Variants in PALD1 observed in about 807,000 individuals in gnomAD.
PALD1 encodes paladin.
PALD1 carries 57 observed loss-of-function variants against 96.0 expected under a neutral mutation model. The observed-to-expected ratio is 0.59, with a 90% CI of 0.48 to 0.74. PALD1 has a LOEUF of 0.74. Ranked by LOEUF, PALD1 falls within the 30% of genes least tolerant of loss-of-function variation. The probability of loss-of-function intolerance (pLI) is 0.00; values close to 1 mark genes in which losing one functional copy is unlikely to be tolerated. For missense variants in PALD1, 1,063 were observed against 1,143.7 expected (o/e 0.93, Z 1.02); for synonymous variants, 464 against 473.6 (o/e 0.98, Z 0.26).
chr10:70,461,446 T>A, the PALD1 span, among the ~76,000 whole-genome samples: 1 of 152,234 alleles, frequency 6.6e-6, no homozygotes, highest in African/African-American at 2.4e-5. Flanking sequence ...TGGTTTACTG[T>A]CTGTGTTGCT....
At chr10:70,478,022 C>A (rs1449245944), upstream of PALD1, among the ~76,000 whole-genome samples, 1 of 148,046 alleles carries the variant, frequency 6.8e-6, no homozygotes, top group African/African-American at 2.5e-5. Context: ...AGTGCTAGTC[C>A]GCGCGTGTGG....
chr10:70,539,324 TCA>T lies in PALD1; in HGVS notation c.1725+81_1725+82del. 1 of 1,403,020 alleles carries T rather than the reference TCA, an allele frequency of 7.1e-7. No homozygotes were observed. The highest frequency in any genetic ancestry group is 9.6e-7 in the Non-Finnish European group (1 of 1,037,688). The allele number at this position is 1,403,020 out of a possible 1,614,324, so 86.9% of individuals were successfully genotyped here. On this transcript the variant is annotated intron_variant, in intron 14 of 19. Transcript: ENST00000263563. The surrounding 1 kb of genome is among the most constrained non-coding windows in gnomAD (Gnocchi z 4.5). ...GGCCTGGGAGGGTCTTCAGAAGGCC[TCA>T]CACTCCCGCAGACAGATGGAGAATC... is the stretch of plus-strand genomic sequence containing the variant.
rs138254920 is a variant in PALD1, at chr10:70,549,069, G to T, written c.2262+1623G>T. ...ACCAAAAAAAAAAAAAAAAAAAAAA[G>T]GTCTGTTAAATGTGGGGAGGGGAAG... On this transcript the variant is annotated intron_variant, in intron 18 of 19. Coordinates refer to ENST00000263563, the MANE Select transcript of PALD1 (RefSeq NM_014431.3). Among the ~76,000 whole-genome samples, 1,188 of 125,594 alleles carry T rather than the reference G, an allele frequency of 9.5e-3. 23 individuals carry two copies. Among genetic ancestry groups the T allele is most frequent in the African/African-American group, 0.031 (1,139 of 36,236 alleles). 82.4% of individuals were successfully genotyped at this position (125,594 alleles called of 152,430 possible).
chr10:70,552,018 C>T (rs1052816796), intron 18 of PALD1, among the ~76,000 whole-genome samples: 10 of 152,346 alleles, frequency 6.6e-5, no homozygotes, highest in Non-Finnish European at 1.0e-4. Flanking sequence ...GGCAGGCCCA[C>T]GGGACGTCTC....
intron 1 of PALD1, among the ~76,000 whole-genome samples, chr10:70,493,755 T>C (rs1050930455): frequency 6.6e-6 from 1 of 152,208 alleles, no homozygotes; most frequent in Non-Finnish European, 1.5e-5. Flanking sequence ...ACCTTCAGCA[T>C]GGATGCACGG....
At chr10:70,538,855 G>C (rs927870813) in intron 12 of PALD1, 37 bp from the exon 13 acceptor site, 1 of 1,562,286 alleles carries the variant, frequency 6.4e-7, no homozygotes, top group Non-Finnish European at 8.8e-7. Context: ...GCTACAGTCG[G>C]CTGCTGTGGG....
At chr10:70,532,569 G>A in intron 5 of PALD1, 52 bp from the exon 6 acceptor site, 1 of 1,581,438 alleles carries the variant, frequency 6.3e-7, no homozygotes, top group Non-Finnish European at 8.6e-7. Context: ...GACACTCAGG[G>A]AGGGTCTTGA....
intron 10 of PALD1, among the ~76,000 whole-genome samples, chr10:70,537,091 T>G (rs905155129): frequency 6.6e-6 from 1 of 152,088 alleles, no homozygotes; most frequent in Non-Finnish European, 1.5e-5. Context: ...ATTTGTATTT[T>G]CTTGTGGAGA....
Position 70,540,067 on chromosome 10 carries a change from GTTTA to G in PALD1, c.1908+308_1908+311del, listed in dbSNP as rs1847210727. On this transcript the variant is annotated intron_variant, in intron 15 of 19. Coordinates refer to ENST00000263563, the MANE Select transcript of PALD1 (RefSeq NM_014431.3). This position sits in a 1 kb window ranked among gnomAD's most constrained non-coding sequence, Gnocchi z 4.2. ...TGTGTTATAAGATGTGTGTACATGT[GTTTA>G]TTATGTTGTAGGGTGTATGTGTGTG... Among the ~76,000 whole-genome samples, 11 of 152,016 alleles carry G rather than the reference GTTTA, an allele frequency of 7.2e-5. No individual in the cohort carries two copies. Among genetic ancestry groups the G allele is most frequent in the Admixed American group, 4.6e-4 (7 of 15,258 alleles).
At chr10:70,495,231 T>C (rs912125654) in intron 1 of PALD1, among the ~76,000 whole-genome samples, 1 of 152,244 alleles carries the variant, frequency 6.6e-6, no homozygotes, top group Non-Finnish European at 1.5e-5. Flanking sequence ...ATCTAAAATA[T>C]GTTCCTTCCC....
Position 70,478,799 on chromosome 10 carries a change from C to T in PALD1, c.-290C>T, listed in dbSNP as rs886821156. 3 of 151,450 alleles carry T rather than the reference C, an allele frequency of 2.0e-5. No individual in the cohort carries two copies. Among genetic ancestry groups the T allele is most frequent in the Admixed American group, 1.3e-4 (2 of 15,200 alleles). The allele number at this position is 151,450 out of a possible 1,614,324, so 9.4% of individuals were successfully genotyped here. A position where few individuals can be genotyped will look rare whatever the true frequency, so the allele number is the denominator to read the frequency against. On this transcript the variant is annotated 5_prime_UTR_variant, in exon 1 of 20. Transcript: ENST00000263563. ...GGTAGCGGGGCGCTGGGGAGCAGCG[C>T]GGCGCGCACGGGCCGGGGCGCGCAG...
intron 1 of PALD1, among the ~76,000 whole-genome samples, chr10:70,512,204 C>T (rs1846529098): frequency 6.6e-6 from 1 of 152,206 alleles, no homozygotes; most frequent in African/African-American, 2.4e-5. Flanking sequence ...GGCCCCAGGT[C>T]GCTGCAAGGG....
intron 18 of PALD1, among the ~76,000 whole-genome samples, chr10:70,556,279 C>CCTCCCTCTCTCCCTCTCTCT (rs527928462): frequency 0.016 from 2,080 of 128,654 alleles, 65 homozygotes; most frequent in African/African-American, 0.055. Flanking sequence ...GTAGCCGAGA[C>CCTCCCTCTCTCCCTCTCTCT]CTCTCTCTCT....
At chr10:70,558,439 A>G (rs1474074898) in intron 18 of PALD1, among the ~76,000 whole-genome samples, 2 of 152,136 alleles carry the variant, frequency 1.3e-5, no homozygotes, top group South Asian at 2.1e-4. Flanking sequence ...TGATTTGACA[A>G]ACGGTTATTA....
At chr10:70,509,809 A>G (rs1301822234) in intron 1 of PALD1, among the ~76,000 whole-genome samples, 2 of 152,222 alleles carry the variant, frequency 1.3e-5, no homozygotes, top group Non-Finnish European at 2.9e-5. Flanking sequence ...GGGGGCAGGA[A>G]GCGCTGCAGC....
intron 17 of PALD1, 129 bp downstream of exon 17, chr10:70,541,663 G>C: frequency 1.4e-6 from 1 of 702,232 alleles, no homozygotes; most frequent in South Asian, 1.7e-5. Flanking sequence ...TCATATCAGT[G>C]CTTCCCTGTT....
rs367568625 is a variant in PALD1 at position 70,565,110 on chromosome 10, G to A, written c.2418+591G>A. ...CATACAGTGCCATCTGCTGGAGCCT[G>A]TACTAGGCAGGTCTAGCACACTGTG... On this transcript the variant is annotated intron_variant, in intron 19 of 19. Transcript: ENST00000263563. Among the ~76,000 whole-genome samples, 28 of 152,354 alleles carry A rather than the reference G, an allele frequency of 1.8e-4. 2 individuals are homozygous for A. The highest frequency in any genetic ancestry group is 1.2e-3 in the Admixed American group (18 of 15,308).
At chr10:70,480,358 T>C (rs1470372524) in intron 1 of PALD1, among the ~76,000 whole-genome samples, 1 of 152,172 alleles carries the variant, frequency 6.6e-6, no homozygotes, top group African/African-American at 2.4e-5. Context: ...AAGTCCTCAC[T>C]TCCTTTCTGA....
rs1846062241 is a variant in PALD1 at position 70,489,206 on chromosome 10, AGGAAGGGGCT to A, written c.-30+10149_-30+10158del. 3.9e-5 allele frequency among the ~76,000 whole-genome samples: 6 copies of A among 152,186 alleles called. 1 individual carries two copies. The South Asian group carries it at 1.2e-3, about 32-fold the overall frequency. On this transcript the variant is annotated intron_variant, in intron 1 of 19. Coordinates refer to ENST00000263563, the MANE Select transcript of PALD1 (RefSeq NM_014431.3). Reference sequence around the variant, plus strand: ...GAGGATGGGATGCCTGTGGCCTCTGAGGAAGGGGCTGCCTGGGCTCAGATTTTCACCCTCC... The same window carrying A: ...GAGGATGGGATGCCTGTGGCCTCTGAGCCTGGGCTCAGATTTTCACCCTCC...
Sources: allele counts gnomAD v4.1 joint callset (sites outside exome capture counted in the v4.1 genomes callset), GRCh38; gene constraint gnomAD v4.1.1; non-coding constraint Gnocchi (gnomAD v3.1); transcripts MANE v1.5; gene names NCBI Gene and HGNC (gene_info 2026-07-23, HGNC 2026-07-21).